The following TMEM50B variants were observed in gnomAD, a reference collection of about 807,000 sequenced individuals.
TMEM50B encodes HCV p7-trans-regulated protein 3.
TMEM50B carries 14 observed loss-of-function variants against 23.4 expected under a neutral mutation model. The ratio of observed to expected loss-of-function variants is 0.60; its 90% CI spans 0.39 to 0.93. The LOEUF is 0.93. Ranked by LOEUF, TMEM50B falls within the 40% of genes least tolerant of loss-of-function variation. The pLI is 0.00. For missense variants in TMEM50B, 159 were observed against 193.0 expected, an observed-to-expected ratio of 0.82 and a Z score of 1.04; for synonymous variants, 64 against 62.3, an observed-to-expected ratio of 1.03 and a Z score of -0.13.
intron 6 of TMEM50B, among the ~76,000 whole-genome samples, chr21:33,451,733 T>C (rs2084122418): frequency 6.6e-6 from 1 of 152,090 alleles, no homozygotes; most frequent in Non-Finnish European, 1.5e-5. Context: ...GGTTTAGGCC[T>C]GGAAAGGGAC....
chr21:33,437,660 A>T (rs965368707), intron 8 of TMEM50B: 2 of 152,424 alleles, frequency 1.3e-5, no homozygotes, highest in African/African-American at 4.8e-5. Context: ...AACACTTCCT[A>T]TGGATGTCAC....
At chr21:33,476,637 T>A (rs1398730870) in intron 1 of TMEM50B, among the ~76,000 whole-genome samples, 1 of 151,484 alleles carries the variant, frequency 6.6e-6, no homozygotes, top group Non-Finnish European at 1.5e-5. Flanking sequence ...GGAGGGTGCC[T>A]GTAGTCCCAG....
chr21:33,432,987 G>A (rs903169657), intron 8 of TMEM50B: 6 of 858,884 alleles, frequency 7.0e-6, no homozygotes, highest in African/African-American at 6.8e-5. Context: ...CCAGGTTCAA[G>A]CGATTCTCCT....
intron 1 of TMEM50B, among the ~76,000 whole-genome samples, chr21:33,476,141 C>T (rs1222952371): frequency 6.6e-6 from 1 of 152,168 alleles, no homozygotes; most frequent in East Asian, 1.9e-4. Flanking sequence ...TGCCTGTAAA[C>T]CCAAGACTTT....
At chr21:33,476,907 G>A (rs2084378827) in intron 1 of TMEM50B, among the ~76,000 whole-genome samples, 1 of 151,902 alleles carries the variant, frequency 6.6e-6, no homozygotes, top group Non-Finnish European at 1.5e-5. Flanking sequence ...AGCTTTTAAT[G>A]GCTAAAACCC....
At chr21:33,464,363 A>G (rs1392792914) in intron 4 of TMEM50B, among the ~76,000 whole-genome samples, 1 of 151,474 alleles carries the variant, frequency 6.6e-6, no homozygotes, top group Non-Finnish European at 1.5e-5. Flanking sequence ...ACGCCTGGCT[A>G]ATTTTGTATA....
intron 8 of TMEM50B, chr21:33,432,890 CTTTT>C (rs143248516): frequency 1.2e-5 from 17 of 1,477,988 alleles, no homozygotes; most frequent in African/African-American, 1.4e-5. Context: ...GCACACATCT[CTTTT>C]TTTTTTTTTG....
intron 1 of TMEM50B, among the ~76,000 whole-genome samples, chr21:33,472,618 T>G (rs778104522): frequency 7.9e-5 from 12 of 152,076 alleles, no homozygotes; most frequent in Non-Finnish European, 1.2e-4. Flanking sequence ...GGCTCACACC[T>G]GCAATCCCAG....
chr21:33,467,024 T>A lies in TMEM50B; in HGVS notation c.198A>T (p.Thr66=). Residue 66 remains threonine (T), a synonymous_variant, in exon 3 of 7, where the codon ACA becomes ACT. Transcript: ENST00000542230. ...TTCATACTTACATGAAGAAAGCCAA[T>A]GTGGAAAATACACCACATGTGTGAA... ...HAFHTCGVFS[T]LAFFMINAVS... 1 of 1,613,754 alleles carries A rather than the reference T, an allele frequency of 6.2e-7. No homozygotes were observed. Among genetic ancestry groups the A allele is most frequent in the South Asian group, 1.1e-5 (1 of 91,010 alleles).
downstream of TMEM50B, among the ~76,000 whole-genome samples, chr21:33,445,529 G>T (rs761897151): frequency 1.6e-4 from 24 of 152,358 alleles, no homozygotes; most frequent in Non-Finnish European, 3.4e-4. Context: ...TGCCGGGCAC[G>T]GCGCCTGTAA....
intron 8 of TMEM50B, chr21:33,432,896 T>C: frequency 2.5e-6 from 4 of 1,604,188 alleles, no homozygotes; most frequent in Non-Finnish European, 3.4e-6. Flanking sequence ...ATCTCTTTTT[T>C]TTTTTTTGAG....
At chr21:33,477,619 A>C (rs1027515664) in intron 1 of TMEM50B, among the ~76,000 whole-genome samples, 5 of 142,236 alleles carry the variant, frequency 3.5e-5, no homozygotes, top group African/African-American at 1.3e-4. Flanking sequence ...GGGGGGGGTT[A>C]CCTGAGGTCA....
intron 3 of TMEM50B, among the ~76,000 whole-genome samples, chr21:33,466,377 A>G (rs1251411909): frequency 6.6e-6 from 1 of 152,224 alleles, no homozygotes; most frequent in Non-Finnish European, 1.5e-5. Context: ...GAAATGAGGT[A>G]ACATAAACTT....
At chr21:33,433,740 AAG>A (rs1408402345) in intron 8 of TMEM50B, among the ~76,000 whole-genome samples, 3 of 152,128 alleles carry the variant, frequency 2.0e-5, no homozygotes, top group African/African-American at 4.8e-5. Flanking sequence ...TACACCTAAA[AAG>A]AGTTATGATG....
intron 4 of TMEM50B, among the ~76,000 whole-genome samples, chr21:33,464,499 C>T (rs888394267): frequency 4.7e-5 from 7 of 147,698 alleles, no homozygotes; most frequent in Non-Finnish European, 9.0e-5. Flanking sequence ...TGCGCCCGGC[C>T]GTAAATGTTT....
At chr21:33,459,255 G>A (rs186508859) in intron 5 of TMEM50B, among the ~76,000 whole-genome samples, 47 of 152,366 alleles carry the variant, frequency 3.1e-4, no homozygotes, top group African/African-American at 1.1e-3. Context: ...CAGAGCCACA[G>A]ATTTCAGCAT....
chr21:33,452,660 G>C (rs1462728276), intron 6 of TMEM50B, among the ~76,000 whole-genome samples: 1 of 152,142 alleles, frequency 6.6e-6, no homozygotes, highest in East Asian at 1.9e-4. Context: ...GACATAAAAG[G>C]ATCAAATTGT....
chr21:33,478,179 T>C (rs1436913278), intron 1 of TMEM50B, among the ~76,000 whole-genome samples: 1 of 151,358 alleles, frequency 6.6e-6, no homozygotes, highest in Non-Finnish European at 1.5e-5. Flanking sequence ...AATAATACAC[T>C]TTAAAAGGCC....
chr21:33,443,627 T>C (rs1209686000), intron 7 of TMEM50B, among the ~76,000 whole-genome samples: 2 of 151,982 alleles, frequency 1.3e-5, no homozygotes, highest in African/African-American at 4.8e-5. Context: ...CACAGAAAAA[T>C]AGTATTTTTC....
Sources: gnomAD v4.1 joint callset for allele counts (sites outside exome capture counted in the v4.1 genomes callset) on GRCh38, gnomAD v4.1.1 for gene constraint, MANE v1.5 for transcripts, NCBI Gene and HGNC (gene_info 2026-07-23, HGNC 2026-07-21) for gene names.